The following FRMD4A variants were observed in gnomAD, a reference collection of about 807,000 sequenced individuals.
FRMD4A encodes FERM domain-containing protein 4A.
FRMD4A carries 29 observed loss-of-function variants against 129.1 expected under a neutral mutation model. The ratio of observed to expected loss-of-function variants is 0.22; its 90% CI spans 0.17 to 0.31. The LOEUF (loss-of-function observed/expected upper bound fraction) is 0.31, where lower values mean the gene tolerates loss of function less well. FRMD4A is among the 10% of genes least tolerant of loss of function. The probability of loss-of-function intolerance (pLI) is 1.00; values close to 1 mark genes in which losing one functional copy is unlikely to be tolerated. For synonymous variants in FRMD4A, 634 were observed against 571.6 expected (o/e 1.11, Z -1.56); for missense variants, 1,272 against 1,375.8 (o/e 0.92, Z 1.19).
At chr10:14,224,962 T>C (rs1310568133) in intron 2 of FRMD4A, among the ~76,000 whole-genome samples, 5 of 152,168 alleles carry the variant, frequency 3.3e-5, no homozygotes, top group Non-Finnish European at 7.4e-5. Context: ...AAATCTTCAA[T>C]AAATGTGCTC....
At chr10:13,941,904 G>C (rs1185568313) in intron 2 of FRMD4A, among the ~76,000 whole-genome samples, 1 of 152,178 alleles carries the variant, frequency 6.6e-6, no homozygotes, top group Admixed American at 6.5e-5. Context: ...ATATTGGTAA[G>C]ATCTGTTTTA....
At position 13,752,392 on chromosome 10, in the gene FRMD4A, C is replaced by A. The variant is rs574553797; in HGVS notation, c.465-4573G>T. Reference sequence around the variant, plus strand: ...CAAAGTGAAGGGAGCAAAAATTAAACCTGAGAGGGAAGGATGAGGAAAATC... The same window carrying A: ...CAAAGTGAAGGGAGCAAAAATTAAAACTGAGAGGGAAGGATGAGGAAAATC... On this transcript the variant is annotated intron_variant, in intron 8 of 24. Coordinates refer to ENST00000357447, the MANE Select transcript of FRMD4A (RefSeq NM_018027.5). Among the ~76,000 whole-genome samples, 10 of 152,272 alleles carry A rather than the reference C, an allele frequency of 6.6e-5. No individual in the cohort carries two copies. In the South Asian group the frequency reaches 2.1e-3, roughly 32 times the overall value.
chr10:13,713,538 T>G (rs921901332), intron 12 of FRMD4A, among the ~76,000 whole-genome samples: 4 of 152,040 alleles, frequency 2.6e-5, no homozygotes, highest in Admixed American at 2.0e-4. Flanking sequence ...CTTGCAAATC[T>G]TTAGACGGAT....
At chr10:14,207,071 A>G (rs1842804616) in intron 2 of FRMD4A, among the ~76,000 whole-genome samples, 1 of 152,038 alleles carries the variant, frequency 6.6e-6, no homozygotes, top group South Asian at 2.1e-4. Flanking sequence ...TCCCAAGCTG[A>G]AGAGAAGACC....
At chr10:13,799,330 T>G (rs1353353113) in intron 4 of FRMD4A, among the ~76,000 whole-genome samples, 2 of 152,046 alleles carry the variant, frequency 1.3e-5, no homozygotes, top group African/African-American at 2.4e-5. Flanking sequence ...GCTATTTTTT[T>G]GTATTTTAGT....
Position 13,694,058 on chromosome 10 carries a change from C to G in FRMD4A, c.976-19G>C, listed in dbSNP as rs747307118. On this transcript the variant is annotated intron_variant, in intron 14 of 24. Coordinates refer to ENST00000357447, the MANE Select transcript of FRMD4A (RefSeq NM_018027.5). ...TTTTGGACTGGAATGGAAAGGGAAG[C>G]AGGTCAAAGAAGTGACGCTCACCTT... The G allele has an allele frequency of 1.3e-6, 2 of 1,502,728 alleles. No homozygotes were observed. The highest frequency in any genetic ancestry group is 1.4e-5 in the African/African-American group (1 of 71,084). The allele number at this position is 1,502,728 out of a possible 1,614,324, so 93.1% of individuals were successfully genotyped here.
At chr10:13,907,594 C>T (rs1402097483) in intron 2 of FRMD4A, among the ~76,000 whole-genome samples, 1 of 152,114 alleles carries the variant, frequency 6.6e-6, no homozygotes, top group Non-Finnish European at 1.5e-5. Context: ...GTGTCAACAC[C>T]TCCACCTGAC....
chr10:13,864,228 T>C (rs1300076234), intron 2 of FRMD4A, among the ~76,000 whole-genome samples: 3 of 151,316 alleles, frequency 2.0e-5, no homozygotes, highest in African/African-American at 7.3e-5. Context: ...ACTCCTGGCC[T>C]CACGTGATCT....
chr10:14,221,304 C>A (rs1843251696), intron 2 of FRMD4A, among the ~76,000 whole-genome samples: 1 of 152,144 alleles, frequency 6.6e-6, no homozygotes, highest in African/African-American at 2.4e-5. Flanking sequence ...ACTGCTCCAT[C>A]TGTGGAGGGT....
At chr10:13,869,259 C>T (rs563003885) in intron 2 of FRMD4A, among the ~76,000 whole-genome samples, 35 of 152,192 alleles carry the variant, frequency 2.3e-4, no homozygotes, top group South Asian at 6.2e-4. Context: ...AAAGTGTAGA[C>T]GATGAGGCGT....
At chr10:13,736,819 G>C (rs561908084) in intron 12 of FRMD4A, among the ~76,000 whole-genome samples, 74 of 152,260 alleles carry the variant, frequency 4.9e-4, no homozygotes, top group Middle Eastern at 6.8e-3. Context: ...TTCTCCACCG[G>C]GGGATCTGAA....
intron 2 of FRMD4A, among the ~76,000 whole-genome samples, chr10:14,166,230 T>C (rs1390193458): frequency 6.6e-6 from 1 of 150,812 alleles, no homozygotes; most frequent in Admixed American, 6.6e-5. Context: ...TGTTATAATA[T>C]ATTAAGTTTC....
chr10:13,981,248 G>A (rs1588663723), intron 2 of FRMD4A, among the ~76,000 whole-genome samples: 1 of 152,214 alleles, frequency 6.6e-6, no homozygotes, highest in Non-Finnish European at 1.5e-5. Flanking sequence ...CAGGGAAGTT[G>A]TGGAAGTCAG....
intron 2 of FRMD4A, among the ~76,000 whole-genome samples, chr10:14,149,213 G>A (rs965181730): frequency 1.3e-5 from 2 of 152,166 alleles, no homozygotes; most frequent in African/African-American, 4.8e-5. Flanking sequence ...TAAGTTTTAA[G>A]ATTCATCAGG....
chr10:14,313,842 A>T lies in FRMD4A; in HGVS notation c.45+16216T>A, dbSNP rs181727590. Among the ~76,000 whole-genome samples the T allele has an allele frequency of 9.2e-5, 14 of 152,362 alleles. No homozygotes were observed. In the East Asian group the frequency reaches 2.7e-3, roughly 29 times the overall value. ...ATCTATATCCACACTTATCTAGAAGATTCTTTTGGTTGTCTGCACAGCAGC... is the reference window on the plus strand; with the variant it reads ...ATCTATATCCACACTTATCTAGAAGTTTCTTTTGGTTGTCTGCACAGCAGC... On this transcript the variant is annotated intron_variant, in intron 2 of 24. Transcript: ENST00000357447.
At chr10:13,882,143 C>T (rs77950262) in intron 2 of FRMD4A, among the ~76,000 whole-genome samples, 1,996 of 151,794 alleles carry the variant, frequency 0.013, 33 homozygotes, top group East Asian at 0.065. Context: ...ATGCAGGGTG[C>T]TGAGGTGGGG....
intron 2 of FRMD4A, among the ~76,000 whole-genome samples, chr10:13,948,967 G>C (rs2095353192): frequency 6.6e-6 from 1 of 152,008 alleles, no homozygotes; most frequent in Non-Finnish European, 1.5e-5. Flanking sequence ...TTTTTAATAA[G>C]TTAAAATGCA....
intron 2 of FRMD4A, among the ~76,000 whole-genome samples, chr10:14,064,729 C>A (rs866209671): frequency 2.0e-5 from 3 of 152,140 alleles, no homozygotes; most frequent in Admixed American, 6.5e-5. Flanking sequence ...AGGTGCTCAC[C>A]ATCACACTCA....
chr10:14,259,003 G>A (rs1012671290), intron 2 of FRMD4A, among the ~76,000 whole-genome samples: 1 of 152,128 alleles, frequency 6.6e-6, no homozygotes, highest in Admixed American at 6.5e-5. Flanking sequence ...GGATGGTGAG[G>A]GGTGTGAGGG....
Sources: gnomAD v4.1 joint callset for allele counts (sites outside exome capture counted in the v4.1 genomes callset) on GRCh38, gnomAD v4.1.1 for gene constraint, MANE v1.5 for transcripts, NCBI Gene and HGNC (gene_info 2026-07-23, HGNC 2026-07-21) for gene names.